RND3: variants seen among roughly 807,000 people sequenced by gnomAD.
RND3 encodes Rho family GTPase 3, also known as rho-related GTP-binding protein RhoE.
Under a neutral mutation model 26.5 loss-of-function variants are expected in RND3, and 8 were observed. That is an observed-to-expected ratio of 0.30 (90% confidence interval 0.18 to 0.54). The LOEUF is 0.54. RND3 is among the 20% of genes least tolerant of loss of function. The pLI is 0.94. For missense variants in RND3, 207 were observed against 302.8 expected (o/e 0.68, Z 2.35); for synonymous variants, 113 against 113.0 (o/e 1.00, Z 0.00).
intron 3 of RND3, among the ~76,000 whole-genome samples, chr2:150,484,614 G>C (rs1686327825): frequency 6.6e-6 from 1 of 152,132 alleles, no homozygotes; most frequent in African/African-American, 2.4e-5. Flanking sequence ...GATCCCCTAA[G>C]ACTAAGAGCT....
In RND3 at chr2:150,468,311, G is replaced by A. The variant is rs1248599731; in HGVS notation, c.*1676C>T. 1 of 152,494 alleles carries A rather than the reference G, an allele frequency of 6.6e-6. No individual in the cohort carries two copies. Among genetic ancestry groups the A allele is most frequent in the Non-Finnish European group, 1.5e-5 (1 of 68,020 alleles). 9.4% of individuals were successfully genotyped at this position (152,494 alleles called of 1,614,324 possible). On this transcript the variant is annotated 3_prime_UTR_variant, in exon 6 of 6. Transcript: ENST00000263895. ...CAGTGACTTCAACAGTTTAAAAAAT[G>A]CAACAAAAGTTCTGCTTTATAACAG...
At chr2:150,471,988 T>G (rs1686094198) in intron 4 of RND3, 2 of 467,370 alleles carry the variant, frequency 4.3e-6, no homozygotes, top group Non-Finnish European at 7.7e-6. Flanking sequence ...TGATTGATTC[T>G]CCCTCTCTGT....
chr2:150,469,887 T>A lies in RND3; in HGVS notation c.*100A>T, dbSNP rs1403482551. 7.2e-7 allele frequency: 1 copy of A among 1,384,884 alleles called. No homozygotes were observed. The highest frequency in any genetic ancestry group is 1.4e-5 in the African/African-American group (1 of 69,286). The allele number at this position is 1,384,884 out of a possible 1,614,324, so 85.8% of individuals were successfully genotyped here. On this transcript the variant is annotated 3_prime_UTR_variant, in exon 6 of 6. Coordinates refer to ENST00000263895, the MANE Select transcript of RND3 (RefSeq NM_005168.5). Reference sequence around the variant, plus strand: ...TCAAACGCCTCCTAAGCCTCTGGTATACATGACTTTGGCTGTGCACTTCAT... The same window carrying A: ...TCAAACGCCTCCTAAGCCTCTGGTAAACATGACTTTGGCTGTGCACTTCAT...
chr2:150,486,987 T>C lies in RND3; in HGVS notation c.151-206A>G. ...TCACCCCACCCGGCTCTCACAGATC[T>C]GCTGACCCGAATCTCCCAACCCCAG... On this transcript the variant is annotated intron_variant, in intron 2 of 5. Transcript: ENST00000263895. The surrounding 1 kb of genome is among the most constrained non-coding windows in gnomAD (Gnocchi z 4.5). 1.6e-6 allele frequency: 1 copy of C among 617,428 alleles called. No individual in the cohort carries two copies. The highest frequency in any genetic ancestry group is 2.8e-5 in the East Asian group (1 of 36,328). 38.2% of individuals were successfully genotyped at this position (617,428 alleles called of 1,614,324 possible).
At position 150,486,815 on chromosome 2, in the gene RND3, A is replaced by G. The variant is rs746975806; in HGVS notation, c.151-34T>C. The stretch of plus-strand genomic sequence containing the variant: ...ACAAAATGGGCAAAAGAGGAAGGAA[A>G]GAGGGCAAAGAGGTTACGTTTAAAC... On this transcript the variant is annotated intron_variant, in intron 2 of 5. Coordinates refer to ENST00000263895, the MANE Select transcript of RND3 (RefSeq NM_005168.5). The surrounding 1 kb of genome is among the most constrained non-coding windows in gnomAD (Gnocchi z 4.5). 1 of 1,422,124 alleles carries G rather than the reference A, an allele frequency of 7.0e-7. No individual in the cohort carries two copies. The highest frequency in any genetic ancestry group is 1.0e-6 in the Non-Finnish European group (1 of 1,004,962). The allele number at this position is 1,422,124 out of a possible 1,614,324, so 88.1% of individuals were successfully genotyped here.
intron 3 of RND3, among the ~76,000 whole-genome samples, chr2:150,479,864 T>C (rs1490740668): frequency 1.3e-5 from 2 of 152,194 alleles, no homozygotes; most frequent in African/African-American, 4.8e-5. Context: ...AGGAAGAATA[T>C]GTTTGTTTCT....
At position 150,486,895 on chromosome 2, in the gene RND3, A is replaced by C; in HGVS notation, c.151-114T>G. 1.2e-6 allele frequency: 1 copy of C among 806,064 alleles called. No individual in the cohort carries two copies. Among genetic ancestry groups the C allele is most frequent in the East Asian group, 2.4e-5 (1 of 41,262 alleles). The allele number at this position is 806,064 out of a possible 1,614,324, so 49.9% of individuals were successfully genotyped here. On this transcript the variant is annotated intron_variant, in intron 2 of 5. Transcript: ENST00000263895. The surrounding 1 kb of genome is among the most constrained non-coding windows in gnomAD (Gnocchi z 4.5). Reference sequence around the variant, plus strand: ...CCCCGCTCCCCAGTTAAGAAAGAAAACCTTCACACATCAGACCACACACTA... The same window carrying C: ...CCCCGCTCCCCAGTTAAGAAAGAAACCCTTCACACATCAGACCACACACTA...
chr2:150,476,109 G>A (rs761902729), intron 3 of RND3, among the ~76,000 whole-genome samples: 3 of 152,100 alleles, frequency 2.0e-5, no homozygotes, highest in Non-Finnish European at 2.9e-5. Flanking sequence ...ATATACACAC[G>A]TATGTATCTG....
chr2:150,487,161 T>TTC, intron 2 of RND3, 107 bp downstream of exon 2: 3 of 381,832 alleles, frequency 7.9e-6, no homozygotes, highest in Non-Finnish European at 1.2e-5. Flanking sequence ...TTTTTTTTTC[T>TTC]TTTTTTTTTT....
intron 3 of RND3, among the ~76,000 whole-genome samples, chr2:150,478,229 T>C (rs1310042228): frequency 6.6e-6 from 1 of 151,090 alleles, no homozygotes; most frequent in African/African-American, 2.4e-5. Context: ...ACAAAAACAC[T>C]CACACACAAA....
chr2:150,485,329 C>T (rs1265639175), intron 3 of RND3: 1 of 152,378 alleles, frequency 6.6e-6, no homozygotes, highest in African/African-American at 2.4e-5. Flanking sequence ...AGTCTGGTTC[C>T]TTCCTCTTGC....
rs1386181639 is a variant in RND3, at chr2:150,486,370, C to G, written c.238+324G>C. Among the ~76,000 whole-genome samples the G allele has an allele frequency of 6.6e-6, 1 of 152,142 alleles. No homozygotes were observed. The highest frequency in any genetic ancestry group is 2.4e-5 in the African/African-American group (1 of 41,458). Reference sequence around the variant, plus strand: ...AGGCGCACGCAGCGCCCATGCAACACCCCACAGTATCGGGCCACCTCGGCC... The same window carrying G: ...AGGCGCACGCAGCGCCCATGCAACAGCCCACAGTATCGGGCCACCTCGGCC... On this transcript the variant is annotated intron_variant, in intron 3 of 5. Coordinates refer to ENST00000263895, the MANE Select transcript of RND3 (RefSeq NM_005168.5). The surrounding 1 kb of genome is among the most constrained non-coding windows in gnomAD (Gnocchi z 4.5).
chr2:150,476,177 A>G (rs1573954132), intron 3 of RND3, among the ~76,000 whole-genome samples: 2 of 152,302 alleles, frequency 1.3e-5, no homozygotes, highest in East Asian at 3.9e-4. Context: ...AGTCTATTTC[A>G]TTTTGACATC....
intron 3 of RND3, among the ~76,000 whole-genome samples, chr2:150,476,067 G>A (rs1686159678): frequency 6.6e-6 from 1 of 152,126 alleles, no homozygotes; most frequent in African/African-American, 2.4e-5. Context: ...CATTTCACAA[G>A]CATCACATGA....
chr2:150,480,051 C>G (rs759508108), intron 3 of RND3, among the ~76,000 whole-genome samples: 7 of 152,100 alleles, frequency 4.6e-5, no homozygotes, highest in Non-Finnish European at 8.8e-5. Context: ...GCTTTAAACT[C>G]CTAATCTTAT....
At chr2:150,482,865 T>G (rs1159223731) in intron 3 of RND3, among the ~76,000 whole-genome samples, 3 of 152,048 alleles carry the variant, frequency 2.0e-5, no homozygotes, top group African/African-American at 7.2e-5. Flanking sequence ...CTGACAAAAT[T>G]AGGTGCATCA....
intron 3 of RND3, among the ~76,000 whole-genome samples, chr2:150,476,125 AG>A (rs1410551619): frequency 6.6e-6 from 1 of 152,226 alleles, no homozygotes; most frequent in Non-Finnish European, 1.5e-5. Context: ...ATCTGACTCC[AG>A]AGTAGAAAAA....
At chr2:150,485,542 G>A (rs1380621180) in intron 3 of RND3, among the ~76,000 whole-genome samples, 1 of 152,214 alleles carries the variant, frequency 6.6e-6, no homozygotes. Context: ...CGGTCCGCCA[G>A]CAACCCAGCT....
chr2:150,474,818 C>T (rs779017419), intron 4 of RND3, 57 bp downstream of exon 4: 166 of 996,574 alleles, frequency 1.7e-4, no homozygotes, highest in Non-Finnish European at 2.4e-4. Context: ...ACAAACCCCA[C>T]GTTTCTATTT....
Sources: allele counts gnomAD v4.1 joint callset (sites outside exome capture counted in the v4.1 genomes callset), GRCh38; gene constraint gnomAD v4.1.1; non-coding constraint Gnocchi (gnomAD v3.1); transcripts MANE v1.5; gene names NCBI Gene and HGNC (gene_info 2026-07-23, HGNC 2026-07-21).